ERBB4: variants seen among roughly 807,000 people sequenced by gnomAD.
ERBB4 encodes receptor tyrosine-protein kinase erbB-4.
A neutral mutation model predicts 158.0 loss-of-function variants in ERBB4; 42 were observed. The ratio of observed to expected loss-of-function variants is 0.27; its 90% CI spans 0.21 to 0.34. The LOEUF is 0.34. Ranked by LOEUF, ERBB4 falls within the 10% of genes least tolerant of loss-of-function variation. The pLI is 1.00. For missense variants in ERBB4, 1,333 were observed against 1,624.1 expected, an observed-to-expected ratio of 0.82 and a Z score of 3.08; for synonymous variants, 583 against 558.7, an observed-to-expected ratio of 1.04 and a Z score of -0.61.
At chr2:212,280,143 T>G (rs995807723) in intron 1 of ERBB4, among the ~76,000 whole-genome samples, 2 of 151,556 alleles carry the variant, frequency 1.3e-5, no homozygotes, top group Non-Finnish European at 3.0e-5. Flanking sequence ...CAACACAGAC[T>G]GAGTAAATAA....
intron 3 of ERBB4, among the ~76,000 whole-genome samples, chr2:211,835,136 T>TG (rs143529092): frequency 0.21 from 32,590 of 151,948 alleles, 3,628 homozygotes; most frequent in South Asian, 0.33. Context: ...TGTTAAATAA[T>TG]GGGGGATCTT....
chr2:212,480,170 A>G (rs1231326271), intron 1 of ERBB4, among the ~76,000 whole-genome samples: 8 of 152,296 alleles, frequency 5.3e-5, no homozygotes. Flanking sequence ...ATTTATAAAA[A>G]ATATTTTATC....
chr2:211,937,504 C>T (rs553161390), intron 3 of ERBB4, among the ~76,000 whole-genome samples: 2 of 152,086 alleles, frequency 1.3e-5, no homozygotes, highest in East Asian at 1.9e-4. Flanking sequence ...CACATTGCTG[C>T]GAAGATACCA....
intron 19 of ERBB4, among the ~76,000 whole-genome samples, chr2:211,608,254 T>G (rs1184241329): frequency 6.6e-6 from 1 of 152,114 alleles, no homozygotes; most frequent in Non-Finnish European, 1.5e-5. Context: ...AGCGGGCAGC[T>G]GAAGGAAATC....
At chr2:211,600,777 T>A (rs551872441) in intron 19 of ERBB4, among the ~76,000 whole-genome samples, 31 of 152,164 alleles carry the variant, frequency 2.0e-4, no homozygotes, top group Admixed American at 6.5e-5. Context: ...TTTTTGGTTT[T>A]TTTTGAATGT....
At chr2:212,057,926 A>T (rs2077631471) in intron 2 of ERBB4, among the ~76,000 whole-genome samples, 1 of 152,226 alleles carries the variant, frequency 6.6e-6, no homozygotes, top group African/African-American at 2.4e-5. Flanking sequence ...GAAATAACTA[A>T]GATCAGAGCA....
intron 3 of ERBB4, among the ~76,000 whole-genome samples, chr2:211,844,122 T>C (rs2077538677): frequency 8.9e-6 from 1 of 111,742 alleles, no homozygotes; most frequent in Non-Finnish European, 1.9e-5. Flanking sequence ...TATGTTAGTG[T>C]GAGAAATGAA....
At chr2:211,562,129 T>A (rs200606966) in intron 19 of ERBB4, 41 bp from the exon 20 acceptor site, 2 of 1,574,014 alleles carry the variant, frequency 1.3e-6, no homozygotes, top group African/African-American at 2.7e-5. Flanking sequence ...CAACTCAAAT[T>A]TTCTTAGATT....
At chr2:211,702,243 A>C in intron 11 of ERBB4, 77 bp from the exon 12 acceptor site, 1 of 1,092,512 alleles carries the variant, frequency 9.2e-7, no homozygotes, top group South Asian at 1.3e-5. Context: ...TTTTATTTTA[A>C]AAAGAATGTT....
chr2:212,483,609 T>C (rs1160551603), intron 1 of ERBB4, among the ~76,000 whole-genome samples: 1 of 152,254 alleles, frequency 6.6e-6, no homozygotes, highest in Admixed American at 6.5e-5. Flanking sequence ...ATGTTTTCTC[T>C]TCTCTTTGTC....
intron 3 of ERBB4, among the ~76,000 whole-genome samples, chr2:211,880,712 C>T (rs2078638754): frequency 6.6e-6 from 1 of 152,110 alleles, no homozygotes; most frequent in Non-Finnish European, 1.5e-5. Context: ...AGCAAAAATA[C>T]ACCTCAAATT....
intron 20 of ERBB4, among the ~76,000 whole-genome samples, chr2:211,437,571 C>T (rs575337493): frequency 2.6e-5 from 4 of 152,200 alleles, no homozygotes; most frequent in Admixed American, 1.3e-4. Context: ...GCCCAGCTGC[C>T]GGAAGCTAAA....
At chr2:212,261,644 A>C (rs2084948487) in intron 1 of ERBB4, among the ~76,000 whole-genome samples, 1 of 152,152 alleles carries the variant, frequency 6.6e-6, no homozygotes, top group Non-Finnish European at 1.5e-5. Context: ...ATAATTCATG[A>C]GGGATAAAAA....
At chr2:211,898,158 A>C (rs973018087) in intron 3 of ERBB4, among the ~76,000 whole-genome samples, 4 of 152,076 alleles carry the variant, frequency 2.6e-5, no homozygotes, top group African/African-American at 9.7e-5. Context: ...AAAGCCTAAA[A>C]AAGATATTAT....
chr2:211,620,311 AAT>A (rs901616507), intron 18 of ERBB4, among the ~76,000 whole-genome samples: 16 of 152,190 alleles, frequency 1.1e-4, no homozygotes, highest in African/African-American at 2.4e-5. Flanking sequence ...AATGAAAAAT[AAT>A]AGTTTGTTAT....
At chr2:211,676,809 AATTT>A (rs1227425875) in intron 13 of ERBB4, among the ~76,000 whole-genome samples, 11 of 98,438 alleles carry the variant, frequency 1.1e-4, no homozygotes, top group African/African-American at 5.0e-4. Context: ...GTTTCATTTT[AATTT>A]ATTAGTCTAT....
intron 1 of ERBB4, among the ~76,000 whole-genome samples, chr2:212,395,733 C>T (rs1479628809): frequency 1.3e-5 from 2 of 151,270 alleles, no homozygotes; most frequent in Non-Finnish European, 2.9e-5. Context: ...AATTCTCCTG[C>T]CTCAGCATCC....
intron 1 of ERBB4, among the ~76,000 whole-genome samples, chr2:212,165,970 A>C (rs2081335433): frequency 6.6e-6 from 1 of 152,090 alleles, no homozygotes; most frequent in Admixed American, 6.6e-5. Flanking sequence ...TGTTACAACA[A>C]TATGTACTGA....
chr2:211,395,414 T>A (rs1254077794), intron 25 of ERBB4, among the ~76,000 whole-genome samples: 1 of 152,084 alleles, frequency 6.6e-6, no homozygotes, highest in African/African-American at 2.4e-5. Context: ...CAATGTACAA[T>A]CTGTTATACC....
Sources: allele counts gnomAD v4.1 joint callset (sites outside exome capture counted in the v4.1 genomes callset), GRCh38; gene constraint gnomAD v4.1.1; transcripts MANE v1.5; gene names NCBI Gene and HGNC (gene_info 2026-07-23, HGNC 2026-07-21).